DLGAP1: variants seen among roughly 807,000 people sequenced by gnomAD.
DLGAP1 encodes the protein disks large-associated protein 1.
A neutral mutation model predicts 90.8 loss-of-function variants in DLGAP1; 11 were observed. The ratio of observed to expected loss-of-function variants is 0.12; its 90% CI spans 0.08 to 0.20. The LOEUF (loss-of-function observed/expected upper bound fraction) is 0.20, where lower values mean the gene tolerates loss of function less well. Ranked by LOEUF, DLGAP1 falls within the 10% of genes least tolerant of loss-of-function variation. The probability of loss-of-function intolerance (pLI) is 1.00; values close to 1 mark genes in which losing one functional copy is unlikely to be tolerated. For synonymous variants in DLGAP1, 558 were observed against 540.7 expected (o/e 1.03, Z -0.44); for missense variants, 1,050 against 1,333.8 (o/e 0.79, Z 3.31).
At chr18:3,858,156 A>C (rs1218736033) in intron 4 of DLGAP1, among the ~76,000 whole-genome samples, 1 of 152,248 alleles carries the variant, frequency 6.6e-6, no homozygotes, top group South Asian at 2.1e-4. Context: ...TACATTAATT[A>C]TCTCAGTTGG....
rs192572146 is a variant in DLGAP1, at chr18:4,037,503, G to A, written c.-158-32302C>T. ...TATTACTGTAACAAATCTGAACATG[G>A]ATTTTTTATTCAGTTATAATTAAAG... On this transcript the variant is annotated intron_variant, in intron 2 of 12. Transcript: ENST00000315677. 5.5e-3 allele frequency among the ~76,000 whole-genome samples: 831 copies of A among 152,264 alleles called. 6 individuals are homozygous for A. The highest frequency in any genetic ancestry group is 8.6e-3 in the Non-Finnish European group (586 of 68,024).
chr18:3,511,284 TTTTG>T (rs1228173032), intron 10 of DLGAP1, among the ~76,000 whole-genome samples: 11 of 356 alleles, frequency 0.031, no homozygotes, highest in Non-Finnish European at 0.11. Flanking sequence ...TGGAGGTTTT[TTTTG>T]TTTTGTTTTG....
chr18:3,901,376 T>C (rs533857817), intron 3 of DLGAP1, among the ~76,000 whole-genome samples: 1 of 152,180 alleles, frequency 6.6e-6, no homozygotes, highest in South Asian at 2.1e-4. Flanking sequence ...CTTCTCCCAC[T>C]GTGGGGTGAC....
At chr18:3,504,271 G>A (rs1359008169) in intron 11 of DLGAP1, among the ~76,000 whole-genome samples, 3 of 151,828 alleles carry the variant, frequency 2.0e-5, no homozygotes, top group Admixed American at 6.6e-5. Context: ...TTCAGACATC[G>A]TTAGAATAGA....
At chr18:4,137,094 C>T (rs2076416867) in intron 2 of DLGAP1, among the ~76,000 whole-genome samples, 1 of 152,088 alleles carries the variant, frequency 6.6e-6, no homozygotes. Flanking sequence ...TGTTCCCCTT[C>T]CTGTGTCCAT....
chr18:3,886,214 G>A (rs1246578856), intron 3 of DLGAP1, among the ~76,000 whole-genome samples: 1 of 152,146 alleles, frequency 6.6e-6, no homozygotes, highest in Non-Finnish European at 1.5e-5. Context: ...TCTTGTTTGA[G>A]GAGACATCAG....
intron 5 of DLGAP1, among the ~76,000 whole-genome samples, chr18:3,800,568 T>C (rs1053841566): frequency 6.6e-6 from 1 of 152,172 alleles, no homozygotes; most frequent in African/African-American, 2.4e-5. Flanking sequence ...TAGACATGGG[T>C]ATATATAATA....
chr18:3,864,188 G>A (rs1026832914), intron 4 of DLGAP1, among the ~76,000 whole-genome samples: 3 of 152,166 alleles, frequency 2.0e-5, no homozygotes, highest in African/African-American at 7.2e-5. Context: ...TATGCTTGTG[G>A]ACAGAAAATG....
chr18:3,651,863 C>G (rs181323950), intron 7 of DLGAP1, among the ~76,000 whole-genome samples: 1 of 151,454 alleles, frequency 6.6e-6, no homozygotes, highest in South Asian at 2.1e-4. Context: ...CCCAGCTACT[C>G]GGGAGGCTGA....
At chr18:3,535,053 C>T (rs889305244) in intron 9 of DLGAP1, among the ~76,000 whole-genome samples, 1 of 149,288 alleles carries the variant, frequency 6.7e-6, no homozygotes, top group African/African-American at 2.5e-5. Flanking sequence ...CATTAGAAGT[C>T]TCATCTTCTC....
At chr18:3,794,702 A>G (rs796686267) in intron 5 of DLGAP1, among the ~76,000 whole-genome samples, 48 of 152,344 alleles carry the variant, frequency 3.2e-4, no homozygotes, top group African/African-American at 1.1e-3. Flanking sequence ...GCCCCCCTAG[A>G]GGGCAGATTG....
intron 2 of DLGAP1, among the ~76,000 whole-genome samples, chr18:4,042,396 T>C (rs1214549574): frequency 6.6e-6 from 1 of 152,200 alleles, no homozygotes; most frequent in East Asian, 1.9e-4. Context: ...CTTTATCAAG[T>C]TTGTATCTGC....
At chr18:4,188,630 G>A (rs970963069) in intron 1 of DLGAP1, among the ~76,000 whole-genome samples, 8 of 152,042 alleles carry the variant, frequency 5.3e-5, no homozygotes, top group Non-Finnish European at 1.2e-4. Context: ...CCATGTCCCC[G>A]CAAAGGACAC....
intron 1 of DLGAP1, among the ~76,000 whole-genome samples, chr18:4,203,459 G>A (rs1419900540): frequency 6.6e-6 from 1 of 152,042 alleles, no homozygotes; most frequent in Non-Finnish European, 1.5e-5. Flanking sequence ...CTTTAATATA[G>A]AAGCAGATAT....
intron 5 of DLGAP1, among the ~76,000 whole-genome samples, chr18:3,755,956 A>G (rs1482467774): frequency 6.6e-6 from 1 of 152,248 alleles, no homozygotes; most frequent in East Asian, 1.9e-4. Flanking sequence ...TTGAAAGTAG[A>G]CAAAGTATGT....
intron 2 of DLGAP1, among the ~76,000 whole-genome samples, chr18:4,114,976 GTTT>G (rs1395490079): frequency 6.6e-6 from 1 of 151,828 alleles, no homozygotes. Context: ...ATCTGTCATT[GTTT>G]TTATTTGTTT....
intron 3 of DLGAP1, among the ~76,000 whole-genome samples, chr18:3,975,799 G>A (rs554612169): frequency 6.6e-6 from 1 of 152,284 alleles, no homozygotes; most frequent in African/African-American, 2.4e-5. Context: ...AAGACATTGT[G>A]CAAAGTGAAA....
At chr18:4,437,413 G>A (rs1228526231) in intron 1 of DLGAP1, among the ~76,000 whole-genome samples, 1 of 152,156 alleles carries the variant, frequency 6.6e-6, no homozygotes, top group Non-Finnish European at 1.5e-5. Flanking sequence ...ACCAAAACTC[G>A]AGGATGCCCA....
rs2075658186 is a variant in DLGAP1, at chr18:4,084,808, A to G, written c.-159+66372T>C. On this transcript the variant is annotated intron_variant, in intron 2 of 12. Coordinates refer to ENST00000315677, the MANE Select transcript of DLGAP1 (RefSeq NM_004746.4). The surrounding 1 kb of genome is among the most constrained non-coding windows in gnomAD (Gnocchi z 4.0). ...ATATTAGCATGCTTTTCTCCTATCAATCTGTCTTTGTCAGTTTGATTTTTA... is the reference window on the plus strand; with the variant it reads ...ATATTAGCATGCTTTTCTCCTATCAGTCTGTCTTTGTCAGTTTGATTTTTA... Among the ~76,000 whole-genome samples the G allele has an allele frequency of 6.6e-6, 1 of 152,178 alleles. No individual in the cohort carries two copies. Among genetic ancestry groups the G allele is most frequent in the South Asian group, 2.1e-4 (1 of 4,834 alleles).
Sources: gnomAD v4.1 joint callset for allele counts (sites outside exome capture counted in the v4.1 genomes callset) on GRCh38, gnomAD v4.1.1 for gene constraint, Gnocchi (gnomAD v3.1) non-coding constraint, MANE v1.5 for transcripts, NCBI Gene and HGNC (gene_info 2026-07-23, HGNC 2026-07-21) for gene names.